Variants in FGGY observed in about 807,000 individuals in gnomAD.
The protein encoded by FGGY is FGGY carbohydrate kinase domain-containing protein.
In FGGY, 72 loss-of-function variants were observed where a neutral mutation model predicts 71.3. The ratio of observed to expected loss-of-function variants is 1.01; its 90% CI spans 0.84 to 1.23. FGGY has a LOEUF of 1.23. Among genes scored for constraint, FGGY ranks in the 50% most tolerant of loss-of-function variants. The pLI, the probability that FGGY is intolerant of heterozygous loss-of-function variation, is 0.00. For missense variants in FGGY, 668 were observed against 682.3 expected (o/e 0.98, Z 0.23); for synonymous variants, 251 against 250.3 (o/e 1.00, Z -0.02).
At chr1:59,660,123 C>A in intron 11 of FGGY, 96 bp from the exon 12 acceptor site, 3 of 1,116,732 alleles carry the variant, frequency 2.7e-6, no homozygotes, top group Non-Finnish European at 4.0e-6. Context: ...CTTGTTTCGG[C>A]AAGAAAACAC....
chr1:59,663,835 G>GA (rs994945496), intron 12 of FGGY, among the ~76,000 whole-genome samples: 20 of 151,186 alleles, frequency 1.3e-4, no homozygotes, highest in African/African-American at 2.2e-4. Context: ...TTCAACTTGG[G>GA]AAAAAAAAAT....
intron 1 of FGGY, among the ~76,000 whole-genome samples, chr1:59,301,379 G>T (rs934869677): frequency 1.3e-5 from 2 of 152,054 alleles, no homozygotes; most frequent in Non-Finnish European, 2.9e-5. Context: ...TTTCTATTTA[G>T]GTGATCCTGT....
intron 9 of FGGY, 40 bp from the exon 10 acceptor site, chr1:59,625,948 A>T: frequency 1.3e-6 from 2 of 1,501,490 alleles, no homozygotes; most frequent in Non-Finnish European, 1.8e-6. Flanking sequence ...TACATAAATT[A>T]AAGAAGCTAT....
chr1:59,605,070 C>T (rs1171482623), intron 8 of FGGY, among the ~76,000 whole-genome samples: 2 of 152,162 alleles, frequency 1.3e-5, no homozygotes, highest in African/African-American at 2.4e-5. Context: ...ACACACAACA[C>T]TCACACTCAC....
chr1:59,560,648 A>G (rs1195823766), intron 8 of FGGY, among the ~76,000 whole-genome samples: 1 of 151,790 alleles, frequency 6.6e-6, no homozygotes, highest in African/African-American at 2.4e-5. Context: ...TTTTTAATTT[A>G]CCTGGCTAAG....
chr1:59,688,628 C>T (rs139495526), intron 14 of FGGY, among the ~76,000 whole-genome samples: 379 of 152,208 alleles, frequency 2.5e-3, no homozygotes, highest in African/African-American at 8.6e-3. Context: ...AAGTTCATAC[C>T]GAACGTTCAT....
rs537512372 is a variant in FGGY at position 59,651,887 on chromosome 1, G to C, written c.1222-8332G>C. On this transcript the variant is annotated intron_variant, in intron 11 of 15. Coordinates refer to ENST00000303721, the MANE Select transcript of FGGY (RefSeq NM_018291.5). ...TTTTGACATGATTTTGCAGCGGCTG[G>C]TACCGATTGTTCCTTTCCATCTTTA... 1.4e-3 allele frequency among the ~76,000 whole-genome samples: 214 copies of C among 151,936 alleles called. 1 individual carries two copies. The highest frequency in any genetic ancestry group is 5.0e-3 in the African/African-American group (209 of 41,414).
intron 6 of FGGY, among the ~76,000 whole-genome samples, chr1:59,473,100 A>G (rs567558261): frequency 6.6e-6 from 1 of 152,244 alleles, no homozygotes; most frequent in East Asian, 1.9e-4. Context: ...GTCCCCTTCC[A>G]CACTGTGGAA....
intron 4 of FGGY, among the ~76,000 whole-genome samples, chr1:59,352,092 C>T (rs2053425249): frequency 6.6e-6 from 1 of 152,164 alleles, no homozygotes. Flanking sequence ...TCATAACCCC[C>T]AGCAGTCTGG....
chr1:59,556,820 C>T (rs969933011), intron 8 of FGGY, among the ~76,000 whole-genome samples: 8 of 152,132 alleles, frequency 5.3e-5, no homozygotes, highest in South Asian at 4.1e-4. Flanking sequence ...GTGATGTAAA[C>T]GGCTCACATG....
intron 4 of FGGY, among the ~76,000 whole-genome samples, chr1:59,353,259 G>A (rs1001530532): frequency 1.2e-4 from 19 of 152,090 alleles, no homozygotes; most frequent in African/African-American, 4.3e-4. Flanking sequence ...TACTCAAATG[G>A]TACTTTATTT....
chr1:59,706,740 C>T (rs770281315), intron 14 of FGGY, among the ~76,000 whole-genome samples: 9 of 152,118 alleles, frequency 5.9e-5, no homozygotes, highest in Non-Finnish European at 8.8e-5. Flanking sequence ...TAGAATGTGG[C>T]CTCCACACTC....
intron 14 of FGGY, among the ~76,000 whole-genome samples, chr1:59,756,839 A>G (rs1458698371): frequency 2.0e-5 from 3 of 152,106 alleles, no homozygotes; most frequent in Non-Finnish European, 4.4e-5. Context: ...TGGTCAGGGG[A>G]AACACTTGGA....
intron 12 of FGGY, among the ~76,000 whole-genome samples, chr1:59,666,818 G>A (rs1007783880): frequency 6.6e-6 from 1 of 152,148 alleles, no homozygotes; most frequent in African/African-American, 2.4e-5. Context: ...TCTGCTGCTG[G>A]ATTTTTTGGT....
chr1:59,562,157 C>A (rs892729535), intron 8 of FGGY, among the ~76,000 whole-genome samples: 5 of 152,128 alleles, frequency 3.3e-5, no homozygotes. Flanking sequence ...AGCATGTATT[C>A]ATACAAAAAT....
chr1:59,345,689 A>G (rs1044266030), intron 3 of FGGY, among the ~76,000 whole-genome samples: 4 of 151,566 alleles, frequency 2.6e-5, no homozygotes, highest in African/African-American at 9.7e-5. Context: ...TGAGCTTCCC[A>G]CGCCAGCAAA....
intron 14 of FGGY, among the ~76,000 whole-genome samples, chr1:59,736,559 C>G (rs1220651704): frequency 2.0e-5 from 3 of 152,136 alleles, no homozygotes. Context: ...TGTTACGTTT[C>G]AGCAAAGAGA....
intron 12 of FGGY, among the ~76,000 whole-genome samples, chr1:59,667,014 G>C (rs1258269947): frequency 6.6e-6 from 1 of 152,214 alleles, no homozygotes; most frequent in African/African-American, 2.4e-5. Flanking sequence ...ATTGTCAACT[G>C]TTTTTGTCAG....
chr1:59,331,098 T>C (rs1393785365), intron 2 of FGGY, among the ~76,000 whole-genome samples: 2 of 152,078 alleles, frequency 1.3e-5, no homozygotes, highest in Non-Finnish European at 2.9e-5. Flanking sequence ...GATTAGACTA[T>C]TGGCAGAGGA....
Sources: gnomAD v4.1 joint callset for allele counts (sites outside exome capture counted in the v4.1 genomes callset) on GRCh38, gnomAD v4.1.1 for gene constraint, MANE v1.5 for transcripts, NCBI Gene and HGNC (gene_info 2026-07-23, HGNC 2026-07-21) for gene names.